LRPPRC: variants seen among roughly 807,000 people sequenced by gnomAD.
LRPPRC encodes the protein leucine rich pentatricopeptide repeat containing, also known as leucine-rich PPR motif-containing protein, mitochondrial.
In LRPPRC, 120 loss-of-function variants were observed where a neutral mutation model predicts 180.3. The ratio of observed to expected loss-of-function variants is 0.67; its 90% confidence interval spans 0.57 to 0.77. The LOEUF (loss-of-function observed/expected upper bound fraction) is 0.77, where lower values mean the gene tolerates loss of function less well. Ranked by LOEUF, LRPPRC falls within the 30% of genes least tolerant of loss-of-function variation. The probability of loss-of-function intolerance (pLI) is 0.00; values close to 1 mark genes in which losing one functional copy is unlikely to be tolerated. For synonymous variants in LRPPRC, 723 were observed against 600.0 expected, an observed-to-expected ratio of 1.21 and a Z score of -3.00; for missense variants, 2,012 against 1,657.2, an observed-to-expected ratio of 1.21 and a Z score of -3.72.
intron 27 of LRPPRC, among the ~76,000 whole-genome samples, chr2:43,923,198 G>A (rs62138278): frequency 3.8e-5 from 5 of 131,368 alleles, no homozygotes; most frequent in Non-Finnish European, 6.4e-5. Context: ...AAAAAAAAAG[G>A]CCAGGCACAG....
intron 13 of LRPPRC, among the ~76,000 whole-genome samples, chr2:43,957,995 T>A (rs1456635455): frequency 6.6e-6 from 1 of 152,268 alleles, no homozygotes; most frequent in East Asian, 1.9e-4. Context: ...GTCCGTTATG[T>A]AATTGACTTA....
intron 11 of LRPPRC, among the ~76,000 whole-genome samples, chr2:43,967,575 TC>T: frequency 6.6e-6 from 1 of 152,250 alleles, no homozygotes; most frequent in South Asian, 2.1e-4. Context: ...GCGCCTATAA[TC>T]CCAGCTACTG....
intron 25 of LRPPRC, among the ~76,000 whole-genome samples, chr2:43,933,709 AAAG>A (rs966007452): frequency 9.2e-5 from 14 of 152,230 alleles, no homozygotes; most frequent in South Asian, 2.1e-4. Flanking sequence ...GTGGAAAAAA[AAAG>A]AAGAAGAAAA....
rs780342452 is a variant in LRPPRC, at chr2:43,974,201, G to C, written c.1104C>G (p.Gly368=). Residue 368 remains glycine (G), a synonymous_variant, in exon 9 of 38, where the codon GGC becomes GGG. Coordinates refer to ENST00000260665, the MANE Select transcript of LRPPRC (RefSeq NM_133259.4). ...LLACPVSKED[G]PSVFGSFFLQ... is the part of the protein sequence containing the mutation. ...AAAAGAAACTGCCAAAGACACTTGG[G>C]CCATCTTCCTTTGATACGGGGCATG... 16 of 1,612,926 alleles carry C rather than the reference G, an allele frequency of 9.9e-6. No individual in the cohort carries two copies.
chr2:43,924,951 T>C (rs1210816090), intron 27 of LRPPRC, 116 bp downstream of exon 27: 19 of 743,208 alleles, frequency 2.6e-5, no homozygotes, highest in Non-Finnish European at 4.0e-5. Context: ...TGAGCCTCTG[T>C]TGAATGAAAA....
intron 3 of LRPPRC, among the ~76,000 whole-genome samples, chr2:43,978,416 C>G (rs1004844584): frequency 6.6e-6 from 1 of 152,108 alleles, no homozygotes; most frequent in Non-Finnish European, 1.5e-5. Flanking sequence ...AGAGACCTAT[C>G]TGTAAAGAAT....
At chr2:43,978,884 T>A (rs759742683) in intron 3 of LRPPRC, among the ~76,000 whole-genome samples, 1 of 152,106 alleles carries the variant, frequency 6.6e-6, no homozygotes, top group Non-Finnish European at 1.5e-5. Flanking sequence ...TTCTTAAACA[T>A]TTAGTGAGTC....
At chr2:43,975,448 C>G (rs1312878458) in intron 6 of LRPPRC, among the ~76,000 whole-genome samples, 1 of 152,148 alleles carries the variant, frequency 6.6e-6, no homozygotes, top group Non-Finnish European at 1.5e-5. Context: ...CATTAAATAA[C>G]ATACCCTCTT....
chr2:43,993,783 G>A (rs1050875262), intron 1 of LRPPRC, among the ~76,000 whole-genome samples: 3 of 151,114 alleles, frequency 2.0e-5, no homozygotes, highest in African/African-American at 7.3e-5. Flanking sequence ...TCAGACAAGT[G>A]AGGTGTGCCA....
At chr2:43,922,358 T>C (rs1313195376) in intron 27 of LRPPRC, among the ~76,000 whole-genome samples, 1 of 152,202 alleles carries the variant, frequency 6.6e-6, no homozygotes, top group Non-Finnish European at 1.5e-5. Context: ...AAATTAAGTG[T>C]GTATTAAGTA....
chr2:43,948,009 T>C, intron 18 of LRPPRC, 113 bp downstream of exon 18: 1 of 765,570 alleles, frequency 1.3e-6, no homozygotes, highest in Non-Finnish European at 2.3e-6. Context: ...TTAATGGCTG[T>C]CATTGAAACA....
At chr2:43,955,691 T>C (rs1673084624) in intron 14 of LRPPRC, among the ~76,000 whole-genome samples, 1 of 151,568 alleles carries the variant, frequency 6.6e-6, no homozygotes, top group East Asian at 1.9e-4. Flanking sequence ...AGTAGGCTGA[T>C]TAACCCACTG....
chr2:43,930,800 A>G (rs1438899640), intron 25 of LRPPRC, among the ~76,000 whole-genome samples: 1 of 152,186 alleles, frequency 6.6e-6, no homozygotes, highest in Non-Finnish European at 1.5e-5. Context: ...CAGAGCCAGA[A>G]CTAAAACTCA....
At chr2:43,933,643 T>C (rs528933061) in intron 25 of LRPPRC, among the ~76,000 whole-genome samples, 3 of 152,248 alleles carry the variant, frequency 2.0e-5, no homozygotes, top group East Asian at 3.9e-4. Flanking sequence ...TAAAATATAC[T>C]AATCCTAAAT....
intron 14 of LRPPRC, among the ~76,000 whole-genome samples, chr2:43,954,545 T>A (rs1673027246): frequency 6.6e-6 from 1 of 152,202 alleles, no homozygotes; most frequent in African/African-American, 2.4e-5. Context: ...CAACTTTTTC[T>A]GGAAAAGTAG....
At chr2:43,978,417 T>C (rs1240388674) in intron 3 of LRPPRC, among the ~76,000 whole-genome samples, 1 of 152,210 alleles carries the variant, frequency 6.6e-6, no homozygotes, top group Non-Finnish European at 1.5e-5. Flanking sequence ...GAGACCTATC[T>C]GTAAAGAATG....
chr2:43,976,883 C>T, intron 5 of LRPPRC, 111 bp downstream of exon 5: 2 of 844,832 alleles, frequency 2.4e-6, no homozygotes, highest in East Asian at 2.6e-5. Context: ...TAAAACAGTT[C>T]TGAAACAATT....
chr2:43,887,985 G>A lies in LRPPRC; in HGVS notation c.*615C>T, dbSNP rs1164206982. On this transcript the variant is annotated 3_prime_UTR_variant, in exon 38 of 38. Transcript: ENST00000260665. ...AACAGAGGTGCTTGAAGCCACAGTG[G>A]CAGAAGGGAAAGATGGGGAAGTGTG... is the stretch of plus-strand genomic sequence containing the variant. 2 of 153,654 alleles carry A rather than the reference G, an allele frequency of 1.3e-5. No individual in the cohort carries two copies. The highest frequency in any genetic ancestry group is 1.3e-4 in the Admixed American group (2 of 15,482). 9.5% of individuals were successfully genotyped at this position (153,654 alleles called of 1,614,324 possible).
At chr2:43,921,729 T>C (rs1255310388) in intron 27 of LRPPRC, among the ~76,000 whole-genome samples, 2 of 152,182 alleles carry the variant, frequency 1.3e-5, no homozygotes, top group Non-Finnish European at 2.9e-5. Context: ...TTTGAATCTT[T>C]AGTAATCAGA....
Sources: gnomAD v4.1 joint callset for allele counts (sites outside exome capture counted in the v4.1 genomes callset) on GRCh38, gnomAD v4.1.1 for gene constraint, MANE v1.5 for transcripts, NCBI Gene and HGNC (gene_info 2026-07-23, HGNC 2026-07-21) for gene names.